Variants in HMGCLL1 observed in about 807,000 individuals in gnomAD.
The protein encoded by HMGCLL1 is 3-hydroxy-3-methylglutaryl-CoA lyase like 1.
Under a neutral mutation model 39.1 loss-of-function variants are expected in HMGCLL1, and 36 were observed. The observed-to-expected ratio is 0.92, with a 90% CI of 0.71 to 1.22. HMGCLL1 has a LOEUF of 1.22. Ranked by LOEUF, HMGCLL1 falls within the 50% of genes most tolerant of loss-of-function variation. HMGCLL1 has a pLI of 0.00. For synonymous variants in HMGCLL1, 149 were observed against 144.0 expected (o/e 1.03, Z -0.25); for missense variants, 451 against 416.5 (o/e 1.08, Z -0.72).
rs190171925 is a variant in HMGCLL1 at position 55,490,153 on chromosome 6, G to A, written c.795+5266C>T. ...GAAGACTCTGCCTATGACCTTTTCAGCCTCTGGATCCCAAAAAAGATGTTC... is the reference window on the plus strand; with the variant it reads ...GAAGACTCTGCCTATGACCTTTTCAACCTCTGGATCCCAAAAAAGATGTTC... On this transcript the variant is annotated intron_variant, in intron 7 of 8. Transcript: ENST00000274901. 9.9e-5 allele frequency among the ~76,000 whole-genome samples: 15 copies of A among 152,132 alleles called. No individual in the cohort carries two copies. The East Asian group carries it at 2.7e-3, about 28-fold the overall frequency.
intron 3 of HMGCLL1, among the ~76,000 whole-genome samples, chr6:55,522,211 G>T (rs1768077124): frequency 6.6e-6 from 1 of 151,668 alleles, no homozygotes; most frequent in Non-Finnish European, 1.5e-5. Context: ...TATTGTAAAA[G>T]AAAAACATTT....
At chr6:55,561,177 C>A (rs1257703044) in intron 1 of HMGCLL1, among the ~76,000 whole-genome samples, 1 of 152,076 alleles carries the variant, frequency 6.6e-6, no homozygotes, top group Non-Finnish European at 1.5e-5. Context: ...TAATGTTTAT[C>A]AAAATTATTT....
intron 5 of HMGCLL1, among the ~76,000 whole-genome samples, chr6:55,506,906 T>C (rs1041639421): frequency 5.9e-5 from 9 of 151,740 alleles, no homozygotes; most frequent in African/African-American, 1.9e-4. Flanking sequence ...CTCCTATCAA[T>C]AGAATTGTGA....
the HMGCLL1 span, among the ~76,000 whole-genome samples, chr6:55,612,897 T>C: frequency 2.0e-5 from 3 of 152,072 alleles, no homozygotes; most frequent in Non-Finnish European, 4.4e-5. Flanking sequence ...TGGGCAAAGA[T>C]TTTATGATAA....
chr6:55,470,848 G>A (rs1020685248), intron 7 of HMGCLL1, among the ~76,000 whole-genome samples: 2 of 151,582 alleles, frequency 1.3e-5, no homozygotes, highest in Non-Finnish European at 1.5e-5. Flanking sequence ...AGAGGGAACT[G>A]CCAAACACTT....
chr6:55,584,354 G>T, the HMGCLL1 span, among the ~76,000 whole-genome samples: 9,082 of 152,128 alleles, frequency 0.06, 338 homozygotes, highest in South Asian at 0.11. Context: ...AGAGCCTGAG[G>T]ATCTCATGAT....
the HMGCLL1 span, among the ~76,000 whole-genome samples, chr6:55,620,038 GTACTCCAT>G: frequency 1.3e-5 from 2 of 151,994 alleles, no homozygotes; most frequent in Non-Finnish European, 2.9e-5. Context: ...TTTTCTGAGA[GTACTCCAT>G]TGTGTATAAG....
At chr6:55,651,432 T>G in the HMGCLL1 span, among the ~76,000 whole-genome samples, 1 of 152,118 alleles carries the variant, frequency 6.6e-6, no homozygotes, top group Non-Finnish European at 1.5e-5. Flanking sequence ...TGCCTTATCC[T>G]ACTGTCACTG....
In HMGCLL1 at chr6:55,513,893, G is replaced by C. The variant is rs1767595006; in HGVS notation, c.542+155C>G. The C allele has an allele frequency of 1.9e-5, 12 of 622,012 alleles. No individual in the cohort carries two copies. The South Asian group carries it at 2.8e-4, about 14-fold the overall frequency. 38.5% of individuals were successfully genotyped at this position (622,012 alleles called of 1,614,324 possible). A position where few individuals can be genotyped will look rare whatever the true frequency, so the allele number is the denominator to read the frequency against. ...TAATAATCAGCAGTGATGTTAATGA[G>C]ATGTAACTATATAGTGATTACCCTG... On this transcript the variant is annotated intron_variant, in intron 5 of 8. Coordinates refer to ENST00000274901, the MANE Select transcript of HMGCLL1 (RefSeq NM_001042406.2).
the HMGCLL1 span, among the ~76,000 whole-genome samples, chr6:55,610,645 G>C: frequency 6.6e-6 from 1 of 152,066 alleles, no homozygotes. Flanking sequence ...CCCCAACCTA[G>C]CAAGAAAGGA....
chr6:55,474,362 CAT>C (rs1191209250), intron 7 of HMGCLL1, among the ~76,000 whole-genome samples: 5 of 151,654 alleles, frequency 3.3e-5, no homozygotes, highest in African/African-American at 4.8e-5. Flanking sequence ...TGTCTACTGA[CAT>C]ATTTTTCAGC....
the HMGCLL1 span, among the ~76,000 whole-genome samples, chr6:55,644,059 C>T: frequency 1.3e-5 from 2 of 152,088 alleles, no homozygotes; most frequent in East Asian, 3.9e-4. Flanking sequence ...ACATCCTCAC[C>T]AGGGCTTACT....
At chr6:55,648,332 A>C in the HMGCLL1 span, among the ~76,000 whole-genome samples, 2 of 150,530 alleles carry the variant, frequency 1.3e-5, no homozygotes, top group African/African-American at 4.9e-5. Context: ...AAACACATTC[A>C]AAAGCTAGCA....
intron 7 of HMGCLL1, among the ~76,000 whole-genome samples, chr6:55,480,352 C>T (rs1441275467): frequency 6.6e-6 from 1 of 151,486 alleles, no homozygotes; most frequent in African/African-American, 2.4e-5. Flanking sequence ...ATATAAATGT[C>T]AAACAAGCAT....
At chr6:55,489,299 G>A (rs1472708973) in intron 7 of HMGCLL1, among the ~76,000 whole-genome samples, 1 of 151,858 alleles carries the variant, frequency 6.6e-6, no homozygotes, top group Non-Finnish European at 1.5e-5. Context: ...ACAAGTATTT[G>A]GTTAAAAACA....
intron 8 of HMGCLL1, among the ~76,000 whole-genome samples, chr6:55,436,236 A>G (rs1763368667): frequency 6.6e-6 from 1 of 152,074 alleles, no homozygotes; most frequent in African/African-American, 2.4e-5. Context: ...ATATATATAC[A>G]TATATATTTT....
the HMGCLL1 span, among the ~76,000 whole-genome samples, chr6:55,628,198 AG>A: frequency 1.3e-5 from 1 of 75,280 alleles, no homozygotes; most frequent in Non-Finnish European, 2.5e-5. Flanking sequence ...ATATATATAT[AG>A]TATATCCTAT....
intron 3 of HMGCLL1, among the ~76,000 whole-genome samples, chr6:55,538,337 T>C (rs1769146036): frequency 6.6e-6 from 1 of 152,172 alleles, no homozygotes; most frequent in South Asian, 2.1e-4. Context: ...TTCCTAACAC[T>C]AATTCTAAAG....
chr6:55,582,833 A>T (rs1353238305), upstream of HMGCLL1, among the ~76,000 whole-genome samples: 2 of 152,094 alleles, frequency 1.3e-5, no homozygotes, highest in Non-Finnish European at 2.9e-5. Context: ...ATTTGAAACC[A>T]TGATGCTATT....
Sources: allele counts gnomAD v4.1 joint callset (sites outside exome capture counted in the v4.1 genomes callset), GRCh38; gene constraint gnomAD v4.1.1; transcripts MANE v1.5; gene names NCBI Gene and HGNC (gene_info 2026-07-23, HGNC 2026-07-21).